The following HLCS variants were observed in gnomAD, a reference collection of about 807,000 sequenced individuals.
HLCS encodes the protein holocarboxylase synthetase, also known as biotin--protein ligase.
HLCS carries 53 observed loss-of-function variants against 75.0 expected under a neutral mutation model. The observed-to-expected ratio is 0.71, with a 90% CI of 0.57 to 0.89. HLCS has a LOEUF of 0.89. Among genes scored for constraint, HLCS ranks in the 40% least tolerant of loss-of-function variants. The pLI is 0.00. For synonymous variants in HLCS, 431 were observed against 428.6 expected (o/e 1.01, Z -0.07); for missense variants, 966 against 1,074.0 (o/e 0.90, Z 1.41).
rs751093392 is a variant in HLCS, at chr21:36,936,610, C to T, written c.1276G>A (p.Glu426Lys). 1.2e-6 allele frequency: 2 copies of T among 1,614,238 alleles called. No homozygotes were observed. Among genetic ancestry groups the T allele is most frequent in the Non-Finnish European group, 1.7e-6 (2 of 1,180,040 alleles). The change falls in exon 4 of 11, where the codon GAG becomes AAG. Residue 426 changes from glutamate to lysine, a missense_variant. Coordinates refer to ENST00000674895, the MANE Select transcript of HLCS (RefSeq NM_001352514.2). ...CTGCTCAAGACGCTGAGCTTCACCT[C>T]GCTCTGGTCAGCCTTGGAGAAAACC... ...NLVFSKADQS[E>K]VKLSVLSSGC...
chr21:36,899,109 T>C (rs562972457), intron 5 of HLCS, among the ~76,000 whole-genome samples: 1 of 152,080 alleles, frequency 6.6e-6, no homozygotes, highest in African/African-American at 2.4e-5. Flanking sequence ...CCTTAATTTT[T>C]AAAAATGTAT....
At chr21:36,947,414 G>A (rs1045473986) in intron 2 of HLCS, 13 of 985,250 alleles carry the variant, frequency 1.3e-5, no homozygotes, top group African/African-American at 8.7e-5. Flanking sequence ...TGGGTGCTCC[G>A]ATCAAAGCAG....
intron 6 of HLCS, among the ~76,000 whole-genome samples, chr21:36,788,187 C>T (rs551319499): frequency 3.9e-5 from 6 of 152,330 alleles, no homozygotes; most frequent in African/African-American, 1.4e-4. Flanking sequence ...GCCAAATGCT[C>T]GGTGAAGCGT....
intron 6 of HLCS, among the ~76,000 whole-genome samples, chr21:36,813,593 T>C (rs114609111): frequency 0.013 from 2,028 of 152,340 alleles, 37 homozygotes; most frequent in African/African-American, 0.046. Flanking sequence ...GATGCCAACA[T>C]AATTACAAGT....
chr21:36,785,118 T>C (rs1459760161), intron 6 of HLCS, among the ~76,000 whole-genome samples: 1 of 152,006 alleles, frequency 6.6e-6, no homozygotes. Flanking sequence ...TGAAAACCAG[T>C]GTGCCTTTCA....
intron 1 of HLCS, among the ~76,000 whole-genome samples, chr21:36,984,581 T>A (rs1228613377): frequency 6.6e-6 from 1 of 152,168 alleles, no homozygotes; most frequent in African/African-American, 2.4e-5. Flanking sequence ...TGAATTATGT[T>A]CTCACTTCTA....
chr21:36,970,279 C>T (rs548705320), upstream of HLCS, among the ~76,000 whole-genome samples: 1 of 152,294 alleles, frequency 6.6e-6, no homozygotes, highest in African/African-American at 2.4e-5. Flanking sequence ...GTCACCCAGG[C>T]TGGAGGGCAG....
chr21:36,762,374 G>A (rs2089879770), intron 8 of HLCS, among the ~76,000 whole-genome samples: 1 of 152,178 alleles, frequency 6.6e-6, no homozygotes, highest in African/African-American at 2.4e-5. Context: ...TGTGGGTGGA[G>A]GGAGGGTGCG....
At chr21:36,755,533 A>G (rs1402455263) in intron 10 of HLCS, among the ~76,000 whole-genome samples, 1 of 152,240 alleles carries the variant, frequency 6.6e-6, no homozygotes, top group Non-Finnish European at 1.5e-5. Flanking sequence ...ACCACTCAAG[A>G]AAGTCTGGAT....
At chr21:36,926,255 A>G (rs1353158746) in intron 5 of HLCS, among the ~76,000 whole-genome samples, 1 of 152,208 alleles carries the variant, frequency 6.6e-6, no homozygotes, top group East Asian at 1.9e-4. Flanking sequence ...CCTTCCACCC[A>G]CAGAAGCAAA....
intron 6 of HLCS, among the ~76,000 whole-genome samples, chr21:36,771,306 C>T (rs17814272): frequency 0.038 from 5,814 of 152,216 alleles, 139 homozygotes; most frequent in Middle Eastern, 0.12. Flanking sequence ...GTACCCATTT[C>T]ATTATAACTA....
At chr21:36,967,967 G>A (rs2068676257), upstream of HLCS, among the ~76,000 whole-genome samples, 2 of 152,098 alleles carry the variant, frequency 1.3e-5, no homozygotes, top group Admixed American at 1.3e-4. Context: ...TGATCCACCC[G>A]CCTCTGCCTC....
In HLCS at chr21:36,750,510, C is replaced by G. The variant is rs2089334421; in HGVS notation, c.*3736G>C. 6.6e-6 allele frequency among the ~76,000 whole-genome samples: 1 copy of G among 152,146 alleles called. No individual in the cohort carries two copies. The highest frequency in any genetic ancestry group is 2.4e-5 in the African/African-American group (1 of 41,422). ...CACTCCTTTTATCCTTTTAAAAGTC[C>G]TATCAGCCCTGCCTTCGTCCCTTCC... On this transcript the variant is annotated 3_prime_UTR_variant, in exon 11 of 11. Transcript: ENST00000674895.
Position 36,750,209 on chromosome 21 carries a change from C to T in HLCS, c.*4037G>A, listed in dbSNP as rs1374784610. Among the ~76,000 whole-genome samples, 2 of 152,108 alleles carry T rather than the reference C, an allele frequency of 1.3e-5. No individual in the cohort carries two copies. The highest frequency in any genetic ancestry group is 2.4e-5 in the African/African-American group (1 of 41,426). On this transcript the variant is annotated 3_prime_UTR_variant, in exon 11 of 11. Coordinates refer to ENST00000674895, the MANE Select transcript of HLCS (RefSeq NM_001352514.2). ...AAGAGGAAGCATTTTAATACATATG[C>T]CTCTCTTTTACAAAAAAGAAAAAAA...
At chr21:36,931,151 C>A in intron 4 of HLCS, among the ~76,000 whole-genome samples, 1 of 151,756 alleles carries the variant, frequency 6.6e-6, no homozygotes, top group African/African-American at 2.4e-5. Context: ...GGCGTGGTTG[C>A]ATGAGCCTGT....
chr21:36,817,158 T>C (rs534239802), intron 6 of HLCS, among the ~76,000 whole-genome samples: 1 of 152,356 alleles, frequency 6.6e-6, no homozygotes, highest in East Asian at 1.9e-4. Flanking sequence ...TACCATACTC[T>C]TTTCAAAATG....
chr21:36,761,612 G>A (rs1601124105), intron 8 of HLCS, among the ~76,000 whole-genome samples: 1 of 152,130 alleles, frequency 6.6e-6, no homozygotes, highest in East Asian at 1.9e-4. Flanking sequence ...CGTCTAGAGA[G>A]TAGAGGCCGC....
At chr21:36,823,209 A>C (rs1357298859) in intron 6 of HLCS, among the ~76,000 whole-genome samples, 2 of 152,232 alleles carry the variant, frequency 1.3e-5, no homozygotes, top group Admixed American at 1.3e-4. Flanking sequence ...GCTTATTTGG[A>C]TAATGATGCA....
intron 6 of HLCS, 58 bp from the exon 7 acceptor site, chr21:36,767,343 T>C (rs2090076696): frequency 1.3e-6 from 2 of 1,518,366 alleles, no homozygotes; most frequent in Admixed American, 3.3e-5. Context: ...GCGGCACCAA[T>C]GGCTCACACA....
Sources: gnomAD v4.1 joint callset for allele counts (sites outside exome capture counted in the v4.1 genomes callset) on GRCh38, gnomAD v4.1.1 for gene constraint, MANE v1.5 for transcripts, NCBI Gene and HGNC (gene_info 2026-07-23, HGNC 2026-07-21) for gene names.